The following SRPK2 variants were observed in gnomAD, a reference collection of about 807,000 sequenced individuals.
The protein encoded by SRPK2 is SRSF protein kinase 2, also known as SFRS protein kinase 2.
In SRPK2, 21 loss-of-function variants were observed where a neutral mutation model predicts 90.8. The observed-to-expected ratio is 0.23, with a 90% CI of 0.16 to 0.33. The LOEUF (loss-of-function observed/expected upper bound fraction) is 0.33, where lower values mean the gene tolerates loss of function less well. Among genes scored for constraint, SRPK2 ranks in the 10% least tolerant of loss-of-function variants. SRPK2 has a pLI of 1.00. For synonymous variants in SRPK2, 288 were observed against 311.1 expected, an observed-to-expected ratio of 0.93 and a Z score of 0.78; for missense variants, 620 against 869.0, an observed-to-expected ratio of 0.71 and a Z score of 3.60.
At chr7:105,350,841 A>C (rs991400770) in intron 2 of SRPK2, among the ~76,000 whole-genome samples, 3 of 152,146 alleles carry the variant, frequency 2.0e-5, no homozygotes, top group East Asian at 1.9e-4. Flanking sequence ...GATAGCTTAA[A>C]CATGTTCAGA....
chr7:105,360,084 T>C (rs1818259572), intron 2 of SRPK2, among the ~76,000 whole-genome samples: 2 of 152,226 alleles, frequency 1.3e-5, no homozygotes, highest in South Asian at 4.1e-4. Flanking sequence ...CATACAGATT[T>C]AGGATAGTTA....
intron 2 of SRPK2, among the ~76,000 whole-genome samples, chr7:105,208,023 T>A (rs1357783123): frequency 6.6e-6 from 1 of 152,158 alleles, no homozygotes; most frequent in Non-Finnish European, 1.5e-5. Flanking sequence ...GATATACACA[T>A]GACCAATAAA....
In SRPK2 at chr7:105,238,753, TTCTG is replaced by T. The variant is rs1164546890; in HGVS notation, c.72-34972_72-34969del. On this transcript the variant is annotated intron_variant, in intron 2 of 15. Coordinates refer to ENST00000393651, the MANE Select transcript of SRPK2 (RefSeq NM_182692.3). ...AAATTAAATAATTTCTGAAAATTTG[TTCTG>T]TGTTTTGATTTTAATAAGAAAATCA... Among the ~76,000 whole-genome samples, 27 of 152,076 alleles carry T rather than the reference TTCTG, an allele frequency of 1.8e-4. 1 individual carries two copies. Among genetic ancestry groups the T allele is most frequent in the South Asian group, 1.2e-3 (6 of 4,818 alleles).
intron 3 of SRPK2, among the ~76,000 whole-genome samples, chr7:105,197,999 G>A (rs1361796974): frequency 6.6e-6 from 1 of 152,212 alleles, no homozygotes; most frequent in African/African-American, 2.4e-5. Flanking sequence ...GGTATACACC[G>A]AGGGTTCTGG....
intron 2 of SRPK2, among the ~76,000 whole-genome samples, chr7:105,204,160 A>G (rs1046096922): frequency 6.6e-6 from 1 of 152,222 alleles, no homozygotes; most frequent in African/African-American, 2.4e-5. Context: ...AGAAAACATC[A>G]CAACGATTAT....
rs1563080782 is a variant in SRPK2, at chr7:105,205,556, CACACACACACACA to C, written c.72-1784_72-1772del. Among the ~76,000 whole-genome samples the C allele has an allele frequency of 1.7e-4, 25 of 145,614 alleles. No individual in the cohort carries two copies. In the East Asian group the frequency reaches 3.5e-3, roughly 20 times the overall value. ...ACACACACACACACACACACACACA[CACACACACACACA>C]CCACTTCCAGAATACATTCAAAACT... On this transcript the variant is annotated intron_variant, in intron 2 of 15. Transcript: ENST00000393651.
At chr7:105,360,160 T>C (rs1818267298) in intron 2 of SRPK2, among the ~76,000 whole-genome samples, 1 of 152,232 alleles carries the variant, frequency 6.6e-6, no homozygotes, top group African/African-American at 2.4e-5. Flanking sequence ...CTTTTGTTCT[T>C]TGCTGGTTTA....
chr7:105,142,567 A>C lies in SRPK2; in HGVS notation c.1061-77T>G. 3.3e-6 allele frequency: 5 copies of C among 1,504,324 alleles called. No homozygotes were observed. In the South Asian group the frequency reaches 6.9e-5, roughly 21 times the overall value. 93.2% of individuals were successfully genotyped at this position (1,504,324 alleles called of 1,614,324 possible). A position where few individuals can be genotyped will look rare whatever the true frequency, so the allele number is the denominator to read the frequency against. On this transcript the variant is annotated intron_variant, in intron 10 of 15. Coordinates refer to ENST00000393651, the MANE Select transcript of SRPK2 (RefSeq NM_182692.3). ...GCCTCATTAAGTACTTATCTCCATCAATAAAATACATTTTGAATATGCTTA... is the reference window on the plus strand; with the variant it reads ...GCCTCATTAAGTACTTATCTCCATCCATAAAATACATTTTGAATATGCTTA...
intron 2 of SRPK2, among the ~76,000 whole-genome samples, chr7:105,287,657 A>G (rs1019639846): frequency 6.6e-6 from 1 of 151,980 alleles, no homozygotes; most frequent in African/African-American, 2.4e-5. Context: ...AATCGCTTGA[A>G]CCCAGGAGGT....
chr7:105,357,260 C>T (rs539773236), intron 2 of SRPK2, among the ~76,000 whole-genome samples: 131 of 152,064 alleles, frequency 8.6e-4, no homozygotes, highest in African/African-American at 2.8e-3. Context: ...AGGATGGTCT[C>T]GATCTCCTGA....
At chr7:105,389,047 C>T (rs1322446114), upstream of SRPK2, 1 of 964,570 alleles carries the variant, frequency 1.0e-6, no homozygotes, top group Non-Finnish European at 1.2e-6. Flanking sequence ...GCGCCCAGCG[C>T]CCCGCGCCCC....
intron 2 of SRPK2, among the ~76,000 whole-genome samples, chr7:105,278,400 G>A (rs532598546): frequency 2.8e-4 from 43 of 151,516 alleles, no homozygotes; most frequent in Non-Finnish European, 4.6e-4. Context: ...GAGGCTGGGC[G>A]CAGTGGCTCA....
intron 15 of SRPK2, among the ~76,000 whole-genome samples, chr7:105,122,372 T>C (rs1278448909): frequency 6.6e-6 from 1 of 152,160 alleles, no homozygotes; most frequent in East Asian, 1.9e-4. Context: ...CCACACAAAC[T>C]TGTACATTAA....
chr7:105,345,673 A>C (rs771666653), intron 2 of SRPK2, among the ~76,000 whole-genome samples: 1 of 152,254 alleles, frequency 6.6e-6, no homozygotes, highest in South Asian at 2.1e-4. Flanking sequence ...TTTATTTTAC[A>C]CATGAACATG....
At chr7:105,360,973 G>C (rs574754325) in intron 2 of SRPK2, among the ~76,000 whole-genome samples, 2 of 152,214 alleles carry the variant, frequency 1.3e-5, no homozygotes, top group Admixed American at 1.3e-4. Flanking sequence ...TGGAAGTTCT[G>C]GCCAGGGCAA....
chr7:105,198,479 A>G lies in SRPK2; in HGVS notation c.229+5149T>C, dbSNP rs2299310. ...AGAATCTGAATAAACTGCACAGCCT[A>G]CTGCTACAGCTTGTGCCCAGACAAC... On this transcript the variant is annotated intron_variant, in intron 3 of 15. Transcript: ENST00000393651. Among the ~76,000 whole-genome samples, 471 of 152,334 alleles carry G rather than the reference A, an allele frequency of 3.1e-3. 14 individuals carry two copies. The East Asian group carries it at 0.063, about 20-fold the overall frequency.
chr7:105,204,876 G>A (rs1795999568), intron 2 of SRPK2: 5 of 423,970 alleles, frequency 1.2e-5, no homozygotes, highest in African/African-American at 2.1e-5. Context: ...TTGAGAGCAG[G>A]TGGAATCTTG....
chr7:105,387,713 C>T lies in SRPK2; in HGVS notation c.71+935G>A, dbSNP rs528387742. Among the ~76,000 whole-genome samples the T allele has an allele frequency of 5.9e-5, 9 of 152,320 alleles. No homozygotes were observed. The South Asian group carries it at 1.4e-3, about 25-fold the overall frequency. On this transcript the variant is annotated intron_variant, in intron 2 of 15. Transcript: ENST00000393651. ...TACCAAAGATGCCACACAGAGTATT[C>T]TTGCTCAAAAGAGCGAAGCAATTAA...
chr7:105,390,658 G>A (rs188375695), upstream of SRPK2, among the ~76,000 whole-genome samples: 283 of 134,164 alleles, frequency 2.1e-3, 1 homozygote, highest in African/African-American at 7.9e-3. Context: ...TCACCCTATT[G>A]GCCAGGCTGG....
Sources: gnomAD v4.1 joint callset for allele counts (sites outside exome capture counted in the v4.1 genomes callset) on GRCh38, gnomAD v4.1.1 for gene constraint, MANE v1.5 for transcripts, NCBI Gene and HGNC (gene_info 2026-07-23, HGNC 2026-07-21) for gene names.